Variants in HOXC12 observed in about 807,000 individuals in gnomAD.
The protein encoded by HOXC12 is homeobox protein Hox-C12.
HOXC12 carries 24 observed loss-of-function variants against 20.9 expected under a neutral mutation model. The observed-to-expected ratio is 1.15, with a 90% CI of 0.83 to 1.61. The LOEUF is 1.61. Among genes scored for constraint, HOXC12 ranks in the 40% most tolerant of loss-of-function variants. HOXC12 has a pLI of 0.00. For synonymous variants in HOXC12, 202 were observed against 197.7 expected (o/e 1.02, Z -0.18); for missense variants, 436 against 406.9 (o/e 1.07, Z -0.62).
rs140782486 is a variant in HOXC12 at position 53,956,331 on chromosome 12, C to A, written c.614C>A (p.Ala205Glu). ...CCTGCCATTCATCTCCACCCAGGCG[C>A]GCCCTGGTACCCGATCAACAGCCGC... is the stretch of plus-strand genomic sequence containing the variant. ...NPGGGLSASG[A>E]PWYPINSRSR... is the part of the protein sequence containing the mutation. Residue 205 changes from alanine (A) to glutamate (E), a missense_variant, in exon 2 of 2, where the codon GCG becomes GAG. Physicochemically the swap from Ala to Glu is moderately radical, Grantham distance 107. Transcript: ENST00000243103. The A allele has an allele frequency of 2.5e-5, 40 of 1,586,134 alleles. No homozygotes were observed. The Middle Eastern group carries it at 6.8e-4, about 27-fold the overall frequency.
chr12:53,956,578 C>A lies in HOXC12; in HGVS notation c.*12C>A. On this transcript the variant is annotated 3_prime_UTR_variant, in exon 2 of 2. Transcript: ENST00000243103. ...TCTCCTTCTTTTAAGGTGCAGGACA[C>A]GGGCGCCAGCCCCAGACTGAGCCTG... 6.3e-7 allele frequency: 1 copy of A among 1,585,144 alleles called. No individual in the cohort carries two copies. Among genetic ancestry groups the A allele is most frequent in the Non-Finnish European group, 8.6e-7 (1 of 1,162,096 alleles).
Position 53,955,307 on chromosome 12 carries a change from G to C in HOXC12, c.378G>C (p.Pro126=), listed in dbSNP as rs1415424361. ...CCGGGCCCGGGGCAGCGCTGCTCCCGCTGGAGCCGTCGGGGCCGCCTGCGC... is the reference window on the plus strand; with the variant it reads ...CCGGGCCCGGGGCAGCGCTGCTCCCCCTGGAGCCGTCGGGGCCGCCTGCGC... ...PGAGPGAALL[P]LEPSGPPALG... is the part of the protein sequence containing the mutation. Residue 126 remains proline, a synonymous_variant, in exon 1 of 2, where the codon CCG becomes CCC. Coordinates refer to ENST00000243103, the MANE Select transcript of HOXC12 (RefSeq NM_173860.3). 1.7e-5 allele frequency: 23 copies of C among 1,385,716 alleles called. No homozygotes were observed. Among genetic ancestry groups the C allele is most frequent in the Middle Eastern group, 2.6e-4 (1 of 3,864 alleles). The allele number at this position is 1,385,716 out of a possible 1,614,324, so 85.8% of individuals were successfully genotyped here.
In HOXC12 at chr12:53,956,990, G is replaced by C. The variant is rs138411985; in HGVS notation, c.*424G>C. The C allele has an allele frequency of 2.5e-3, 393 of 155,790 alleles. 1 individual carries two copies. The highest frequency in any genetic ancestry group is 4.5e-3 in the Admixed American group (69 of 15,408). 9.7% of individuals were successfully genotyped at this position (155,790 alleles called of 1,614,324 possible). A position where few individuals can be genotyped will look rare whatever the true frequency, so the allele number is the denominator to read the frequency against. ...AAAGAGCAGGGCCAGTGGAACCAAG[G>C]CACCTCAACCTCACAGTTCCTGGGG... On this transcript the variant is annotated 3_prime_UTR_variant, in exon 2 of 2. Transcript: ENST00000243103.
Position 53,956,920 on chromosome 12 carries a change from C to T in HOXC12, c.*354C>T, listed in dbSNP as rs1215466450. On this transcript the variant is annotated 3_prime_UTR_variant, in exon 2 of 2. Coordinates refer to ENST00000243103, the MANE Select transcript of HOXC12 (RefSeq NM_173860.3). Reference sequence around the variant, plus strand: ...AAGCAGCGGCCCAGATGTCCCCTTCCTCTACTTCCCTTCCATGGTCTTAAT... The same window carrying T: ...AAGCAGCGGCCCAGATGTCCCCTTCTTCTACTTCCCTTCCATGGTCTTAAT... 1.1e-4 allele frequency: 21 copies of T among 189,584 alleles called. No individual in the cohort carries two copies. The Admixed American group carries it at 1.2e-3, about 11-fold the overall frequency. 11.7% of individuals were successfully genotyped at this position (189,584 alleles called of 1,614,324 possible).
In HOXC12 at chr12:53,956,620, A is replaced by C; in HGVS notation, c.*54A>C. The C allele has an allele frequency of 1.5e-6, 2 of 1,367,192 alleles. No individual in the cohort carries two copies. The highest frequency in any genetic ancestry group is 2.0e-6 in the Non-Finnish European group (2 of 992,086). The allele number at this position is 1,367,192 out of a possible 1,614,324, so 84.7% of individuals were successfully genotyped here. ...CTGAGCCTGTCCCTGGCAGAGAGCA[A>C]AAGAGGGCGCCGCCTAGAACACAGT... On this transcript the variant is annotated 3_prime_UTR_variant, in exon 2 of 2. Coordinates refer to ENST00000243103, the MANE Select transcript of HOXC12 (RefSeq NM_173860.3).
intron 1 of HOXC12, 109 bp from the exon 2 acceptor site, chr12:53,956,219 T>G: frequency 1.2e-6 from 1 of 818,030 alleles, no homozygotes; most frequent in Non-Finnish European, 1.9e-6. Flanking sequence ...AGAAAGGGCC[T>G]GGAGTCCAGC....
rs970798423 is a variant in HOXC12 at position 53,958,767 on chromosome 12, C to T, written c.*2201C>T. On this transcript the variant is annotated 3_prime_UTR_variant, in exon 2 of 2. Coordinates refer to ENST00000243103, the MANE Select transcript of HOXC12 (RefSeq NM_173860.3). ...TCTCTGTCAATCTGTGTCTTGTTCTCTGTGTCTGTCGCTGGTACCTAGTGT... is the reference window on the plus strand; with the variant it reads ...TCTCTGTCAATCTGTGTCTTGTTCTTTGTGTCTGTCGCTGGTACCTAGTGT... The T allele has an allele frequency of 2.8e-4, 42 of 152,214 alleles. No homozygotes were observed. The highest frequency in any genetic ancestry group is 1.0e-3 in the African/African-American group (42 of 41,434). 9.4% of individuals were successfully genotyped at this position (152,214 alleles called of 1,614,324 possible).
intron 1 of HOXC12, 43 bp from the exon 2 acceptor site, chr12:53,956,285 C>T (rs771084395): frequency 2.6e-6 from 4 of 1,517,254 alleles, no homozygotes; most frequent in South Asian, 1.3e-5. Context: ...GACTGGTCAC[C>T]CTTTGATCCT....
chr12:53,955,984 G>T (rs1402215132), intron 1 of HOXC12, among the ~76,000 whole-genome samples: 1 of 152,192 alleles, frequency 6.6e-6, no homozygotes, highest in East Asian at 1.9e-4. Context: ...GATGTGAGAG[G>T]AAGGGACCAG....
chr12:53,956,156 G>A (rs1170971990), intron 1 of HOXC12, among the ~76,000 whole-genome samples, 172 bp from the exon 2 acceptor site: 1 of 152,170 alleles, frequency 6.6e-6, no homozygotes, highest in Non-Finnish European at 1.5e-5. Context: ...TGGTGGGGAT[G>A]TGGGTCTGGG....
chr12:53,958,597 G>A lies in HOXC12; in HGVS notation c.*2031G>A, dbSNP rs143355953. 2 of 152,184 alleles carry A rather than the reference G, an allele frequency of 1.3e-5. No individual in the cohort carries two copies. The highest frequency in any genetic ancestry group is 4.8e-5 in the African/African-American group (2 of 41,402). The allele number at this position is 152,184 out of a possible 1,614,324, so 9.4% of individuals were successfully genotyped here. On this transcript the variant is annotated 3_prime_UTR_variant, in exon 2 of 2. Transcript: ENST00000243103. ...CTTCCTGTGACCTCTGGGCTCTAGG[G>A]TGCTGGATTTGAGCTCTACCACTCC...
At position 53,958,373 on chromosome 12, in the gene HOXC12, A is replaced by T. The variant is rs1179077551; in HGVS notation, c.*1807A>T. 6.6e-6 allele frequency: 1 copy of T among 152,306 alleles called. No homozygotes were observed. The highest frequency in any genetic ancestry group is 2.4e-5 in the African/African-American group (1 of 41,418). 9.4% of individuals were successfully genotyped at this position (152,306 alleles called of 1,614,324 possible). ...ATCCCCACATGGCCCAGCAGAATGGAGATAAAATCACATGCCTCCATCCCC... is the reference window on the plus strand; with the variant it reads ...ATCCCCACATGGCCCAGCAGAATGGTGATAAAATCACATGCCTCCATCCCC... On this transcript the variant is annotated 3_prime_UTR_variant, in exon 2 of 2. Coordinates refer to ENST00000243103, the MANE Select transcript of HOXC12 (RefSeq NM_173860.3).
chr12:53,956,439 G>C lies in HOXC12; in HGVS notation c.722G>C (p.Arg241Pro). 1.2e-6 allele frequency: 2 copies of C among 1,614,150 alleles called. No individual in the cohort carries two copies. The highest frequency in any genetic ancestry group is 1.7e-6 in the Non-Finnish European group (2 of 1,180,002). Residue 241 changes from arginine (R) to proline (P), a missense_variant, in exon 2 of 2, where the codon CGC (arginine) becomes CCC (proline). By Grantham distance (103) the Arg-to-Pro change is moderately radical (BLOSUM62 -2). Transcript: ENST00000243103. ...TTTCTGGTCAACGAGTTCATCACAC[G>C]CCAGCGCCGGAGGGAACTCTCAGAC... ...GEFLVNEFITRQRRRELSDRL... is the reference protein window; with the variant it reads ...GEFLVNEFITPQRRRELSDRL...
Position 53,955,615 on chromosome 12 carries a change from G to A in HOXC12, c.610+76G>A, listed in dbSNP as rs1422679083. On this transcript the variant is annotated intron_variant, in intron 1 of 1. Coordinates refer to ENST00000243103, the MANE Select transcript of HOXC12 (RefSeq NM_173860.3). ...GGGCGGGCAGAACAGGACTGAGCTA[G>A]GGACGCCCAGGGTGACAGAATGTGT... 4 of 1,274,688 alleles carry A rather than the reference G, an allele frequency of 3.1e-6. No homozygotes were observed. In the African/African-American group the frequency reaches 6.2e-5, roughly 20 times the overall value. The allele number at this position is 1,274,688 out of a possible 1,614,324, so 79.0% of individuals were successfully genotyped here. A position where few individuals can be genotyped will look rare whatever the true frequency, so the allele number is the denominator to read the frequency against.
In HOXC12 at chr12:53,957,500, GC is replaced by G. The variant is rs1318016112; in HGVS notation, c.*935del. On this transcript the variant is annotated 3_prime_UTR_variant, in exon 2 of 2. Transcript: ENST00000243103. ...AAGAGGCTGTAGATGGGGCTACGGA[GC>G]ACCACACTGATTGGCCGGGAGAATT... 1 of 152,370 alleles carries G rather than the reference GC, an allele frequency of 6.6e-6. No individual in the cohort carries two copies. Among genetic ancestry groups the G allele is most frequent in the East Asian group, 1.9e-4 (1 of 5,196 alleles). 9.4% of individuals were successfully genotyped at this position (152,370 alleles called of 1,614,324 possible).
rs780336633 is a variant in HOXC12, at chr12:53,956,569, T to C, written c.*3T>C. The stretch of plus-strand genomic sequence containing the variant: ...AGCAAGCTCTCTCCTTCTTTTAAGG[T>C]GCAGGACACGGGCGCCAGCCCCAGA... On this transcript the variant is annotated 3_prime_UTR_variant, in exon 2 of 2. Coordinates refer to ENST00000243103, the MANE Select transcript of HOXC12 (RefSeq NM_173860.3). 7 of 1,602,116 alleles carry C rather than the reference T, an allele frequency of 4.4e-6. No individual in the cohort carries two copies. The Admixed American group carries it at 5.1e-5, about 12-fold the overall frequency.
chr12:53,955,744 T>C (rs1057188122), intron 1 of HOXC12, among the ~76,000 whole-genome samples: 2 of 152,124 alleles, frequency 1.3e-5, no homozygotes, highest in Non-Finnish European at 2.9e-5. Context: ...TTCGTCTGCC[T>C]GCGGCTGGAG....
rs543257924 is a variant in HOXC12, at chr12:53,957,057, G to T, written c.*491G>T. 174 of 153,254 alleles carry T rather than the reference G, an allele frequency of 1.1e-3. No individual in the cohort carries two copies. The highest frequency in any genetic ancestry group is 1.6e-3 in the Non-Finnish European group (109 of 68,564). The allele number at this position is 153,254 out of a possible 1,614,324, so 9.5% of individuals were successfully genotyped here. Reference sequence around the variant, plus strand: ...AGAGAGAGGAGGGTGGAGGGTCAGCGGAGAGAGCTGAGGGAGTCAGGTGTC... The same window carrying T: ...AGAGAGAGGAGGGTGGAGGGTCAGCTGAGAGAGCTGAGGGAGTCAGGTGTC... On this transcript the variant is annotated 3_prime_UTR_variant, in exon 2 of 2. Transcript: ENST00000243103.
rs751639699 is a variant in HOXC12 at position 53,955,163 on chromosome 12, C to T, written c.234C>T (p.Pro78=). The T allele has an allele frequency of 1.9e-6, 3 of 1,610,930 alleles. No individual in the cohort carries two copies. The highest frequency in any genetic ancestry group is 8.5e-7 in the Non-Finnish European group (1 of 1,179,090). ...GCAGCCCAGTGTCTCTCAACCCTCC[C>T]TTCGGCCGCACGTGCGAGCTGGCGC... is the stretch of plus-strand genomic sequence containing the variant. The part of the protein sequence containing the change: ...YLGSPVSLNP[P]FGRTCELARV... Residue 78 remains proline, a synonymous_variant, in exon 1 of 2, where the codon CCC becomes CCT. Transcript: ENST00000243103.
Sources: gnomAD v4.1 joint callset for allele counts (sites outside exome capture counted in the v4.1 genomes callset) on GRCh38, gnomAD v4.1.1 for gene constraint, MANE v1.5 for transcripts, NCBI Gene and HGNC (gene_info 2026-07-23, HGNC 2026-07-21) for gene names.